Variants in TLL2 observed in about 807,000 individuals in gnomAD.
TLL2 encodes the protein tolloid-like protein 2.
TLL2 carries 106 observed loss-of-function variants against 123.0 expected under a neutral mutation model. The observed-to-expected ratio is 0.86, with a 90% CI of 0.74 to 1.01. TLL2 has a LOEUF of 1.01. Among genes scored for constraint, TLL2 ranks in the 50% least tolerant of loss-of-function variants. TLL2 has a pLI of 0.00. For missense variants in TLL2, 1,332 were observed against 1,336.7 expected (o/e 1.00, Z 0.06); for synonymous variants, 494 against 516.8 (o/e 0.96, Z 0.60).
intron 1 of TLL2, among the ~76,000 whole-genome samples, chr10:96,494,314 T>G (rs1038565507): frequency 2.0e-5 from 3 of 152,194 alleles, no homozygotes; most frequent in African/African-American, 7.2e-5. Flanking sequence ...ACCCCTCCAC[T>G]CCGCTGCCAC....
chr10:96,479,596 G>C (rs74151355), intron 2 of TLL2, among the ~76,000 whole-genome samples: 9 of 152,248 alleles, frequency 5.9e-5, no homozygotes, highest in African/African-American at 2.2e-4. Flanking sequence ...GCAGAGAGCA[G>C]TGGGAGAGGA....
intron 3 of TLL2, among the ~76,000 whole-genome samples, chr10:96,436,238 C>T (rs1425540724): frequency 6.6e-6 from 1 of 152,226 alleles, no homozygotes; most frequent in African/African-American, 2.4e-5. Flanking sequence ...TTTGCAAAAA[C>T]AGCAGGTTGG....
intron 1 of TLL2, among the ~76,000 whole-genome samples, chr10:96,492,944 A>G (rs1847429752): frequency 6.6e-6 from 1 of 152,024 alleles, no homozygotes; most frequent in South Asian, 2.1e-4. Context: ...TGGGTCCAAC[A>G]CTCTATCCAG....
intron 1 of TLL2, among the ~76,000 whole-genome samples, chr10:96,483,276 G>A (rs966844582): frequency 6.6e-6 from 1 of 152,152 alleles, no homozygotes; most frequent in African/African-American, 2.4e-5. Flanking sequence ...AAAAGGAAGG[G>A]CAGGACCTCC....
intron 3 of TLL2, among the ~76,000 whole-genome samples, chr10:96,444,307 G>A (rs912796938): frequency 2.0e-5 from 3 of 152,104 alleles, no homozygotes; most frequent in South Asian, 4.1e-4. Context: ...TATTCATCAC[G>A]GCAAAAGCTT....
At chr10:96,476,240 A>ATATATATATATATATATATTTTTTTTT in intron 2 of TLL2, among the ~76,000 whole-genome samples, 6 of 20,490 alleles carry the variant, frequency 2.9e-4, no homozygotes, top group East Asian at 2.1e-3. Context: ...ATATATATAT[A>ATATATATATATATATATATTTTTTTTT]TTTTATTTTT....
chr10:96,412,982 G>A (rs895900257), intron 8 of TLL2, among the ~76,000 whole-genome samples: 1 of 152,156 alleles, frequency 6.6e-6, no homozygotes, highest in African/African-American at 2.4e-5. Context: ...ATTGCCAATG[G>A]ACTCTAAGAC....
At chr10:96,480,318 T>C in intron 2 of TLL2, 31 bp downstream of exon 2, 3 of 1,587,084 alleles carry the variant, frequency 1.9e-6, no homozygotes, top group Non-Finnish European at 2.6e-6. Context: ...CCCTCCCATC[T>C]GGGCAGGAGA....
At chr10:96,485,210 T>A (rs1258448334) in intron 1 of TLL2, among the ~76,000 whole-genome samples, 1 of 152,206 alleles carries the variant, frequency 6.6e-6, no homozygotes, top group African/African-American at 2.4e-5. Context: ...TAAATCTTCA[T>A]TATCTTGATT....
chr10:96,373,838 A>G, intron 18 of TLL2, 29 bp from the exon 19 acceptor site: 1 of 1,604,700 alleles, frequency 6.2e-7, no homozygotes, highest in South Asian at 1.1e-5. Context: ...AAAGTAAGGC[A>G]AGGGCCTGGC....
In TLL2 at chr10:96,376,672, A is replaced by G; in HGVS notation, c.2448+20T>C. ...TGATACTCAAGTCCACATTCTCAAT[A>G]AACTACAAAAATGACTCACGAGTTT... On this transcript the variant is annotated intron_variant, in intron 18 of 20. Transcript: ENST00000357947. 1 of 1,609,372 alleles carries G rather than the reference A, an allele frequency of 6.2e-7. No individual in the cohort carries two copies. The highest frequency in any genetic ancestry group is 8.5e-7 in the Non-Finnish European group (1 of 1,177,926).
chr10:96,465,318 T>C (rs1033179921), intron 2 of TLL2, among the ~76,000 whole-genome samples: 3 of 152,190 alleles, frequency 2.0e-5, no homozygotes, highest in African/African-American at 7.2e-5. Context: ...GAGAAGTTAA[T>C]ATCTACTAAT....
At chr10:96,490,287 C>T (rs77867711) in intron 1 of TLL2, among the ~76,000 whole-genome samples, 1,626 of 152,158 alleles carry the variant, frequency 0.011, 45 homozygotes, top group South Asian at 0.1. Context: ...TGAATGTGTG[C>T]GTTTAATACA....
intron 2 of TLL2, among the ~76,000 whole-genome samples, chr10:96,464,418 AAAG>A (rs759197352): frequency 9.9e-5 from 15 of 152,196 alleles, no homozygotes; most frequent in African/African-American, 3.6e-4. Context: ...AACATTAAAA[AAAG>A]AAGAAGAAAC....
intron 2 of TLL2, among the ~76,000 whole-genome samples, chr10:96,477,419 G>C (rs1394024119): frequency 2.0e-5 from 3 of 149,310 alleles, no homozygotes; most frequent in Non-Finnish European, 4.4e-5. Context: ...GCGTGATCTT[G>C]CTCACTGCAG....
Position 96,368,037 on chromosome 10 carries a change from C to T in TLL2, c.*51G>A, listed in dbSNP as rs761165681. ...TTCAAGGTGCTATTGTTGTTAAAAA[C>T]AAAACAAAACAAAAAAAATTCTCAG... is the stretch of plus-strand genomic sequence containing the variant. On this transcript the variant is annotated 3_prime_UTR_variant, in exon 21 of 21. Coordinates refer to ENST00000357947, the MANE Select transcript of TLL2 (RefSeq NM_012465.4). The T allele has an allele frequency of 6.2e-7, 1 of 1,604,878 alleles. No homozygotes were observed. The highest frequency in any genetic ancestry group is 1.1e-5 in the South Asian group (1 of 90,180).
chr10:96,376,818 A>C lies in TLL2; in HGVS notation c.2322T>G (p.Ala774=). 6.5e-7 allele frequency: 1 copy of C among 1,526,794 alleles called. No individual in the cohort carries two copies. Among genetic ancestry groups the C allele is most frequent in the South Asian group, 1.3e-5 (1 of 79,476 alleles). 94.6% of individuals were successfully genotyped at this position (1,526,794 alleles called of 1,614,324 possible). A position where few individuals can be genotyped will look rare whatever the true frequency, so the allele number is the denominator to read the frequency against. Reference sequence around the variant, plus strand: ...CACTGCTGATCTTGTGTGCACAGCCAGCTGGGGGTGGCAGGGGGACACATA... The same window carrying C: ...CACTGCTGATCTTGTGTGCACAGCCCGCTGGGGGTGGCAGGGGGACACATA... ...LHENGHDCKE[A]GCAHKISSVE... is the part of the protein sequence containing the mutation. The change falls in exon 18 of 21, where the codon GCT becomes GCG. Residue 774 remains alanine (A), a splice_region_variant and synonymous_variant. Coordinates refer to ENST00000357947, the MANE Select transcript of TLL2 (RefSeq NM_012465.4).
At chr10:96,509,789 T>C (rs1232659173) in intron 1 of TLL2, among the ~76,000 whole-genome samples, 1 of 151,968 alleles carries the variant, frequency 6.6e-6, no homozygotes, top group Non-Finnish European at 1.5e-5. Context: ...CTACTAAAAA[T>C]ACAAAAAAAT....
At chr10:96,460,044 G>A (rs529157034) in intron 2 of TLL2, among the ~76,000 whole-genome samples, 10 of 151,870 alleles carry the variant, frequency 6.6e-5, no homozygotes, top group African/African-American at 2.4e-4. Flanking sequence ...AGAAAATTTG[G>A]TTTGACATAT....
Sources: gnomAD v4.1 joint callset for allele counts (sites outside exome capture counted in the v4.1 genomes callset) on GRCh38, gnomAD v4.1.1 for gene constraint, MANE v1.5 for transcripts, NCBI Gene and HGNC (gene_info 2026-07-23, HGNC 2026-07-21) for gene names.